CDH4: variants seen among roughly 807,000 people sequenced by gnomAD.
The protein encoded by CDH4 is cadherin 4, also known as cadherin-4.
CDH4 carries 33 observed loss-of-function variants against 86.0 expected under a neutral mutation model. The observed-to-expected ratio is 0.38, with a 90% CI of 0.29 to 0.51. The LOEUF is 0.51. CDH4 is among the 20% of genes least tolerant of loss of function. The probability of loss-of-function intolerance (pLI) is 0.86; values close to 1 mark genes in which losing one functional copy is unlikely to be tolerated. For missense variants in CDH4, 1,114 were observed against 1,307.4 expected (o/e 0.85, Z 2.28); for synonymous variants, 555 against 549.4 (o/e 1.01, Z -0.14).
At chr20:61,337,469 G>A (rs1236757798) in intron 2 of CDH4, among the ~76,000 whole-genome samples, 2 of 151,718 alleles carry the variant, frequency 1.3e-5, no homozygotes, top group East Asian at 3.9e-4. Flanking sequence ...GAAAGAGGGT[G>A]ATGATGATAA....
In CDH4 at chr20:61,609,583, G is replaced by A. The variant is rs1424574841; in HGVS notation, c.170-133980G>A. On this transcript the variant is annotated intron_variant, in intron 2 of 15. Coordinates refer to ENST00000614565, the MANE Select transcript of CDH4 (RefSeq NM_001794.5). Reference sequence around the variant, plus strand: ...GAGAGAAGGTGGAGACCCAGCACACGACACGCAGCAAGTTCCACAGGGAAA... The same window carrying A: ...GAGAGAAGGTGGAGACCCAGCACACAACACGCAGCAAGTTCCACAGGGAAA... Among the ~76,000 whole-genome samples, 9 of 152,318 alleles carry A rather than the reference G, an allele frequency of 5.9e-5. No individual in the cohort carries two copies. In the East Asian group the frequency reaches 9.7e-4, roughly 16 times the overall value.
rs75092873 is a variant in CDH4, at chr20:61,695,528, C to T, written c.170-48035C>T. Among the ~76,000 whole-genome samples, 698 of 152,334 alleles carry T rather than the reference C, an allele frequency of 4.6e-3. 20 individuals carry two copies. The highest frequency in any genetic ancestry group is 0.034 in the East Asian group (175 of 5,166). On this transcript the variant is annotated intron_variant, in intron 2 of 15. Transcript: ENST00000614565. ...TGAGATCACCACAGAGAGGGCATGT[C>T]TCGCTCTGGGTCTAGCCACAGAGGA...
At chr20:61,376,854 C>T (rs1031392983) in intron 2 of CDH4, among the ~76,000 whole-genome samples, 2 of 152,224 alleles carry the variant, frequency 1.3e-5, no homozygotes, top group Non-Finnish European at 2.9e-5. Context: ...GCACTACCTA[C>T]ACCACCTCTC....
intron 2 of CDH4, chr20:61,499,371 T>C: frequency 9.6e-7 from 1 of 1,046,776 alleles, no homozygotes; most frequent in Non-Finnish European, 1.3e-6. Context: ...TGCCTCTTGC[T>C]CTGCCCTGTT....
At chr20:61,799,041 A>G (rs1979698191) in intron 4 of CDH4, among the ~76,000 whole-genome samples, 1 of 152,252 alleles carries the variant, frequency 6.6e-6, no homozygotes, top group Non-Finnish European at 1.5e-5. Flanking sequence ...CTTTTAATGT[A>G]TGTTAAGTAG....
intron 2 of CDH4, among the ~76,000 whole-genome samples, chr20:61,608,087 G>A (rs1033456730): frequency 8.6e-5 from 13 of 150,844 alleles, no homozygotes; most frequent in African/African-American, 2.2e-4. Flanking sequence ...TTCTCCCCTC[G>A]CCCCCAGACC....
chr20:61,498,701 A>C (rs1453383832), intron 2 of CDH4, among the ~76,000 whole-genome samples: 1 of 152,202 alleles, frequency 6.6e-6, no homozygotes, highest in Non-Finnish European at 1.5e-5. Flanking sequence ...CCACATTGGA[A>C]GAGGAATTGT....
intron 2 of CDH4, among the ~76,000 whole-genome samples, chr20:61,573,062 A>ATGGATGGATGGATGGATAGATGGT (rs2086356159): frequency 6.6e-6 from 1 of 150,712 alleles, no homozygotes; most frequent in African/African-American, 2.5e-5. Context: ...GGATGGATGG[A>ATGGATGGATGGATGGATAGATGGT]TGGATGGATA....
intron 2 of CDH4, among the ~76,000 whole-genome samples, chr20:61,547,403 A>G (rs994393328): frequency 1.3e-5 from 2 of 151,030 alleles, no homozygotes; most frequent in African/African-American, 4.9e-5. Flanking sequence ...TTTAGTAGAG[A>G]CGGGGTTTCA....
rs923319989 is a variant in CDH4, at chr20:61,456,998, T to C, written c.169+202061T>C. Among the ~76,000 whole-genome samples, 7 of 152,338 alleles carry C rather than the reference T, an allele frequency of 4.6e-5. No individual in the cohort carries two copies. The South Asian group carries it at 6.2e-4, about 14-fold the overall frequency. On this transcript the variant is annotated intron_variant, in intron 2 of 15. Coordinates refer to ENST00000614565, the MANE Select transcript of CDH4 (RefSeq NM_001794.5). Reference sequence around the variant, plus strand: ...GTGTTTTAATTTGTCAGAAAATTACTGAGTGGCAAAAGGGGCTTTGTGCCA... The same window carrying C: ...GTGTTTTAATTTGTCAGAAAATTACCGAGTGGCAAAAGGGGCTTTGTGCCA...
intron 2 of CDH4, among the ~76,000 whole-genome samples, chr20:61,410,811 A>G (rs749842486): frequency 1.5e-4 from 23 of 151,326 alleles, no homozygotes; most frequent in Non-Finnish European, 2.7e-4. Context: ...CCTTCCATCC[A>G]TCTTCCATTC....
intron 4 of CDH4, among the ~76,000 whole-genome samples, chr20:61,840,155 T>C (rs1003549643): frequency 6.6e-6 from 1 of 152,038 alleles, no homozygotes; most frequent in Non-Finnish European, 1.5e-5. Context: ...ATTCTGAGAG[T>C]GTCTGTGTCC....
rs545432362 is a variant in CDH4 at position 61,487,458 on chromosome 20, A to G, written c.169+232521A>G. ...TATTGGTTCTCATAATGGAGCCTCCATTCATTCTAATAAGTACCATGAGCT... is the reference window on the plus strand; with the variant it reads ...TATTGGTTCTCATAATGGAGCCTCCGTTCATTCTAATAAGTACCATGAGCT... On this transcript the variant is annotated intron_variant, in intron 2 of 15. Transcript: ENST00000614565. Among the ~76,000 whole-genome samples the G allele has an allele frequency of 2.7e-3, 410 of 152,302 alleles. 1 individual carries two copies. Among genetic ancestry groups the G allele is most frequent in the Middle Eastern group, 0.01 (3 of 294 alleles).
chr20:61,379,177 A>G (rs933296491), intron 2 of CDH4, among the ~76,000 whole-genome samples: 3 of 152,134 alleles, frequency 2.0e-5, no homozygotes, highest in African/African-American at 7.2e-5. Context: ...ACAGACTAAC[A>G]CCAGGGTGTG....
At chr20:61,327,679 G>A (rs2084544032) in intron 2 of CDH4, among the ~76,000 whole-genome samples, 1 of 152,168 alleles carries the variant, frequency 6.6e-6, no homozygotes, top group Non-Finnish European at 1.5e-5. Flanking sequence ...TCCTTTGACA[G>A]CATCCACCAA....
intron 5 of CDH4, among the ~76,000 whole-genome samples, chr20:61,846,748 G>A (rs950249390): frequency 3.9e-5 from 6 of 152,218 alleles, no homozygotes; most frequent in Non-Finnish European, 7.3e-5. Flanking sequence ...TTCCTGACAC[G>A]TGTTTCTGTC....
At position 61,433,507 on chromosome 20, in the gene CDH4, T is replaced by TA. The variant is rs11204456; in HGVS notation, c.169+178582dup. On this transcript the variant is annotated intron_variant, in intron 2 of 15. Transcript: ENST00000614565. Reference sequence around the variant, plus strand: ...TGAATTTTAGAATCCACTTGTCATGTAAAAAAAAAAAACCTGCTAGAATTT... The same window carrying TA: ...TGAATTTTAGAATCCACTTGTCATGTAAAAAAAAAAAAACCTGCTAGAATTT... 5.6e-3 allele frequency among the ~76,000 whole-genome samples: 832 copies of TA among 149,030 alleles called. 6 individuals are homozygous for TA. The highest frequency in any genetic ancestry group is 0.017 in the African/African-American group (712 of 40,712).
intron 8 of CDH4, among the ~76,000 whole-genome samples, chr20:61,901,051 T>C (rs1985372632): frequency 1.3e-5 from 2 of 152,132 alleles, no homozygotes. Context: ...TGTGCTCCAA[T>C]CCCGGGTAAG....
intron 2 of CDH4, among the ~76,000 whole-genome samples, chr20:61,531,163 T>C (rs1198967481): frequency 1.3e-5 from 2 of 151,966 alleles, no homozygotes; most frequent in Non-Finnish European, 2.9e-5. Flanking sequence ...TTGCCTCACT[T>C]TTCTTATCTG....
Sources: allele counts gnomAD v4.1 joint callset (sites outside exome capture counted in the v4.1 genomes callset), GRCh38; gene constraint gnomAD v4.1.1; transcripts MANE v1.5; gene names NCBI Gene and HGNC (gene_info 2026-07-23, HGNC 2026-07-21).